Variants in NTM observed in about 807,000 individuals in gnomAD.
NTM encodes neurotrimin.
In NTM, 13 loss-of-function variants were observed where a neutral mutation model predicts 42.1. The ratio of observed to expected loss-of-function variants is 0.31; its 90% confidence interval spans 0.20 to 0.49. The LOEUF is 0.49. Among genes scored for constraint, NTM ranks in the 20% least tolerant of loss-of-function variants. NTM has a pLI of 0.99. For missense variants in NTM, 373 were observed against 452.8 expected, an observed-to-expected ratio of 0.82 and a Z score of 1.60; for synonymous variants, 187 against 179.2, an observed-to-expected ratio of 1.04 and a Z score of -0.35.
intron 2 of NTM, among the ~76,000 whole-genome samples, chr11:131,931,509 G>A (rs905154512): frequency 6.2e-5 from 9 of 146,084 alleles, no homozygotes; most frequent in Non-Finnish European, 1.4e-4. Flanking sequence ...GTGTGTATGT[G>A]TGTGTGTTCC....
intron 2 of NTM, among the ~76,000 whole-genome samples, chr11:132,031,873 G>A (rs1040052070): frequency 6.6e-6 from 1 of 152,090 alleles, no homozygotes; most frequent in African/African-American, 2.4e-5. Flanking sequence ...AAATCTTCTT[G>A]TTCTCATCTA....
intron 4 of NTM, among the ~76,000 whole-genome samples, chr11:132,237,040 A>G (rs1451381587): frequency 6.6e-6 from 1 of 152,180 alleles, no homozygotes; most frequent in Non-Finnish European, 1.5e-5. Flanking sequence ...CAGAAACCTC[A>G]TGGAAGACCC....
intron 2 of NTM, among the ~76,000 whole-genome samples, chr11:131,947,629 G>A (rs1353596155): frequency 6.6e-6 from 1 of 152,166 alleles, no homozygotes; most frequent in African/African-American, 2.4e-5. Context: ...CCTGGGGTCT[G>A]TCCATGGAAT....
chr11:131,526,780 G>A (rs1431842739), intron 1 of NTM, among the ~76,000 whole-genome samples: 1 of 152,186 alleles, frequency 6.6e-6, no homozygotes, highest in African/African-American at 2.4e-5. Flanking sequence ...ACAAGTGTCA[G>A]CATTTGATTT....
At chr11:131,461,951 T>G (rs916693463) in intron 1 of NTM, among the ~76,000 whole-genome samples, 3 of 152,202 alleles carry the variant, frequency 2.0e-5, no homozygotes. Context: ...CATAGGTTTA[T>G]GCACACACAA....
chr11:131,422,774 C>T (rs1349945523), intron 1 of NTM, among the ~76,000 whole-genome samples: 3 of 152,200 alleles, frequency 2.0e-5, no homozygotes, highest in Admixed American at 2.0e-4. Flanking sequence ...TCCTCCTACA[C>T]TTCAAATCCA....
chr11:131,808,614 G>A (rs572118930), intron 1 of NTM, among the ~76,000 whole-genome samples: 47 of 152,304 alleles, frequency 3.1e-4, no homozygotes, highest in African/African-American at 9.6e-4. Flanking sequence ...GTGTTGGTCC[G>A]GGGAAGTGTC....
chr11:131,468,029 C>G (rs182977441), intron 1 of NTM, among the ~76,000 whole-genome samples: 2 of 152,192 alleles, frequency 1.3e-5, no homozygotes, highest in Non-Finnish European at 2.9e-5. Flanking sequence ...GGACAGCTCC[C>G]GAAGAGTGCA....
At chr11:131,442,717 C>G (rs950464430) in intron 1 of NTM, among the ~76,000 whole-genome samples, 1 of 152,040 alleles carries the variant, frequency 6.6e-6, no homozygotes, top group African/African-American at 2.4e-5. Flanking sequence ...ATAATGGCCT[C>G]CAGGTCATCC....
At chr11:132,294,299 C>T (rs181438875) in intron 4 of NTM, among the ~76,000 whole-genome samples, 18 of 152,166 alleles carry the variant, frequency 1.2e-4, no homozygotes, top group Non-Finnish European at 2.2e-4. Context: ...CCTTCCCCTC[C>T]CCTCATTCCT....
chr11:131,884,200 G>A (rs1201805400), intron 1 of NTM, among the ~76,000 whole-genome samples: 2 of 152,044 alleles, frequency 1.3e-5, no homozygotes, highest in Admixed American at 6.5e-5. Flanking sequence ...ACCTGAGGTC[G>A]GGAGTTTGAG....
intron 1 of NTM, among the ~76,000 whole-genome samples, chr11:131,728,619 T>TG (rs1365393081): frequency 4.6e-5 from 7 of 152,156 alleles, no homozygotes; most frequent in Admixed American, 4.6e-4. Context: ...ACACTAAGCA[T>TG]GTGGGGGTTA....
chr11:132,176,054 A>C (rs2076762355), intron 3 of NTM, among the ~76,000 whole-genome samples: 2 of 152,136 alleles, frequency 1.3e-5, no homozygotes, highest in South Asian at 4.1e-4. Flanking sequence ...TATGCTTGAC[A>C]CTAAAGAAAG....
intron 1 of NTM, among the ~76,000 whole-genome samples, chr11:131,436,950 T>A (rs1949185925): frequency 6.6e-6 from 1 of 152,228 alleles, no homozygotes; most frequent in Admixed American, 6.5e-5. Flanking sequence ...TACACACTGC[T>A]TTAAATGTGT....
chr11:131,485,646 G>A (rs1954098018), intron 1 of NTM, among the ~76,000 whole-genome samples: 1 of 152,200 alleles, frequency 6.6e-6, no homozygotes, highest in African/African-American at 2.4e-5. Context: ...TAGTAAATTA[G>A]CAATAAGTCA....
chr11:132,323,445 C>T (rs867841906), intron 7 of NTM, among the ~76,000 whole-genome samples: 5,292 of 151,078 alleles, frequency 0.035, 339 homozygotes, highest in African/African-American at 0.12. Flanking sequence ...ATAAATTCCT[C>T]GACACATACA....
intron 1 of NTM, among the ~76,000 whole-genome samples, chr11:131,636,128 A>G (rs2064343559): frequency 6.6e-6 from 1 of 152,124 alleles, no homozygotes; most frequent in African/African-American, 2.4e-5. Flanking sequence ...AACCTCCTCC[A>G]TTTCTGCACG....
chr11:132,211,160 T>G (rs1056041273), intron 3 of NTM, among the ~76,000 whole-genome samples: 1 of 152,202 alleles, frequency 6.6e-6, no homozygotes, highest in Admixed American at 6.5e-5. Flanking sequence ...CGCGTGCACT[T>G]TGATAGGCTG....
intron 1 of NTM, among the ~76,000 whole-genome samples, chr11:131,644,003 G>A (rs192486767): frequency 1.1e-3 from 171 of 152,284 alleles, no homozygotes; most frequent in Non-Finnish European, 1.2e-3. Context: ...ATTATAAGAC[G>A]ACTTCTGCAG....
Sources: gnomAD v4.1 joint callset for allele counts (sites outside exome capture counted in the v4.1 genomes callset) on GRCh38, gnomAD v4.1.1 for gene constraint, MANE v1.5 for transcripts, NCBI Gene and HGNC (gene_info 2026-07-23, HGNC 2026-07-21) for gene names.